NSMCE2: variants seen among roughly 807,000 people sequenced by gnomAD.
NSMCE2 encodes NSE2 SUMO ligase component of SMC5/6 complex, also known as E3 SUMO-protein ligase NSE2.
Under a neutral mutation model 23.8 loss-of-function variants are expected in NSMCE2, and 24 were observed. The ratio of observed to expected loss-of-function variants is 1.01; its 90% CI spans 0.73 to 1.42. The LOEUF (loss-of-function observed/expected upper bound fraction) is 1.42. Among genes scored for constraint, NSMCE2 ranks in the 40% most tolerant of loss-of-function variants. The pLI is 0.00. For synonymous variants in NSMCE2, 92 were observed against 94.1 expected, an observed-to-expected ratio of 0.98 and a Z score of 0.13; for missense variants, 284 against 296.5, an observed-to-expected ratio of 0.96 and a Z score of 0.31.
intron 5 of NSMCE2, among the ~76,000 whole-genome samples, chr8:125,266,133 C>T (rs1321831465): frequency 1.4e-5 from 2 of 139,114 alleles, no homozygotes; most frequent in African/African-American, 5.3e-5. Flanking sequence ...GCTCTTGTTG[C>T]CCAGGCTGGA....
chr8:125,181,556 G>A lies in NSMCE2; in HGVS notation c.265-547G>A, dbSNP rs183449814. 1.5e-3 allele frequency among the ~76,000 whole-genome samples: 235 copies of A among 152,246 alleles called. 1 individual carries two copies. The highest frequency in any genetic ancestry group is 2.1e-3 in the Non-Finnish European group (142 of 68,020). ...TAATTTTATAATATTGGGGATGGAGGAGAACATGGGTTGAGAATTTAGCCT... is the reference window on the plus strand; with the variant it reads ...TAATTTTATAATATTGGGGATGGAGAAGAACATGGGTTGAGAATTTAGCCT... On this transcript the variant is annotated intron_variant, in intron 4 of 7. Coordinates refer to ENST00000287437, the MANE Select transcript of NSMCE2 (RefSeq NM_173685.4).
At chr8:125,266,918 C>CT (rs1410905969) in intron 5 of NSMCE2, among the ~76,000 whole-genome samples, 1 of 151,536 alleles carries the variant, frequency 6.6e-6, no homozygotes, top group Non-Finnish European at 1.5e-5. Context: ...AGGACAAAAA[C>CT]TTTATTTATA....
intron 5 of NSMCE2, among the ~76,000 whole-genome samples, chr8:125,277,454 G>C (rs1011714633): frequency 1.3e-5 from 2 of 151,048 alleles, no homozygotes; most frequent in African/African-American, 4.9e-5. Context: ...GCACAGGATT[G>C]AATATAAGTG....
intron 5 of NSMCE2, among the ~76,000 whole-genome samples, chr8:125,350,252 G>A (rs190596464): frequency 6.6e-6 from 1 of 152,350 alleles, no homozygotes; most frequent in Admixed American, 6.5e-5. Flanking sequence ...GAAAGTCTGT[G>A]TGGCTTCTTT....
intron 7 of NSMCE2, among the ~76,000 whole-genome samples, chr8:125,366,004 C>T (rs559547976): frequency 1.3e-5 from 2 of 152,320 alleles, no homozygotes; most frequent in Admixed American, 1.3e-4. Flanking sequence ...ACGTCCTCAG[C>T]ACTGCACTTG....
At chr8:125,298,860 C>G in intron 5 of NSMCE2, among the ~76,000 whole-genome samples, 1 of 152,000 alleles carries the variant, frequency 6.6e-6, no homozygotes, top group East Asian at 1.9e-4. Context: ...AACTGCAAAA[C>G]TCAGGACAGT....
chr8:125,241,498 T>A lies in NSMCE2; in HGVS notation c.418+59242T>A, dbSNP rs531667784. ...TACAGTTATATCTGGGTCGTTTGTT[T>A]TCTGAAGAAGAAGGAATGCTACGTT... On this transcript the variant is annotated intron_variant, in intron 5 of 7. Transcript: ENST00000287437. Among the ~76,000 whole-genome samples, 57 of 152,392 alleles carry A rather than the reference T, an allele frequency of 3.7e-4. 1 individual carries two copies. Among genetic ancestry groups the A allele is most frequent in the Middle Eastern group, 3.4e-3 (1 of 294 alleles).
At chr8:125,238,917 A>G (rs1342400880) in intron 5 of NSMCE2, among the ~76,000 whole-genome samples, 1 of 152,192 alleles carries the variant, frequency 6.6e-6, no homozygotes, top group Non-Finnish European at 1.5e-5. Flanking sequence ...CTATTCCTGT[A>G]TATTGTTACA....
At chr8:125,304,573 G>A (rs1828681545) in intron 5 of NSMCE2, among the ~76,000 whole-genome samples, 1 of 152,066 alleles carries the variant, frequency 6.6e-6, no homozygotes, top group African/African-American at 2.4e-5. Context: ...AAGTAGAATT[G>A]AGGCTGGGTG....
intron 5 of NSMCE2, among the ~76,000 whole-genome samples, chr8:125,187,932 C>T (rs1563706642): frequency 6.6e-6 from 1 of 152,058 alleles, no homozygotes. Context: ...CAAATTTAGA[C>T]AGTATATTTA....
At chr8:125,180,309 A>G (rs1313661120) in intron 4 of NSMCE2, among the ~76,000 whole-genome samples, 1 of 152,234 alleles carries the variant, frequency 6.6e-6, no homozygotes, top group East Asian at 1.9e-4. Context: ...ACTTGTCATT[A>G]AAGCCTCTCC....
At position 125,151,266 on chromosome 8, in the gene NSMCE2, A is replaced by G; in HGVS notation, c.253A>G (p.Thr85Ala). Residue 85 changes from threonine (T) to alanine (A), a missense_variant, in exon 4 of 8, where the codon ACA becomes GCA. Transcript: ENST00000287437. ...LNHYVKAVQS[T>A]INHVKEERPE... ...CCATTATGTAAAGGCTGTTCAATCT[A>G]CAATAAATCATGTAAGTTTATACCA... The G allele has an allele frequency of 1.9e-6, 3 of 1,566,104 alleles. No individual in the cohort carries two copies. Among genetic ancestry groups the G allele is most frequent in the Non-Finnish European group, 2.6e-6 (3 of 1,137,742 alleles).
chr8:125,153,426 G>A (rs970527703), intron 4 of NSMCE2, among the ~76,000 whole-genome samples: 2 of 152,160 alleles, frequency 1.3e-5, no homozygotes, highest in South Asian at 2.1e-4. Context: ...AATTTCATAA[G>A]GTTTCTAAGA....
chr8:125,311,244 C>A (rs1359497800), intron 5 of NSMCE2, among the ~76,000 whole-genome samples: 2 of 152,090 alleles, frequency 1.3e-5, no homozygotes, highest in Non-Finnish European at 2.9e-5. Flanking sequence ...TGAAGAAAAC[C>A]ACTCTCCTCA....
At chr8:125,323,050 C>T (rs1203060835) in intron 5 of NSMCE2, among the ~76,000 whole-genome samples, 1 of 152,160 alleles carries the variant, frequency 6.6e-6, no homozygotes, top group East Asian at 1.9e-4. Flanking sequence ...TAGAGTGAGA[C>T]TCTGTCTCAG....
chr8:125,218,932 T>C (rs1213403211), intron 5 of NSMCE2, among the ~76,000 whole-genome samples: 2 of 152,198 alleles, frequency 1.3e-5, no homozygotes, highest in Non-Finnish European at 2.9e-5. Context: ...TATTTTAACA[T>C]CTACTATATA....
chr8:125,203,083 A>G (rs576530134), intron 5 of NSMCE2, among the ~76,000 whole-genome samples: 35 of 152,182 alleles, frequency 2.3e-4, no homozygotes, highest in East Asian at 5.8e-4. Flanking sequence ...AGCTATCACT[A>G]TGTACTCTGT....
chr8:125,313,276 T>C lies in NSMCE2; in HGVS notation c.419-43943T>C, dbSNP rs1031928327. ...AAAGAAGGAAAGAAAAAAGAAAGGA[T>C]GAGAAGGCAGGTATAGCTAGAGCAC... On this transcript the variant is annotated intron_variant, in intron 5 of 7. Coordinates refer to ENST00000287437, the MANE Select transcript of NSMCE2 (RefSeq NM_173685.4). Among the ~76,000 whole-genome samples, 58 of 151,458 alleles carry C rather than the reference T, an allele frequency of 3.8e-4. 1 individual carries two copies. Among genetic ancestry groups the C allele is most frequent in the Admixed American group, 3.4e-3 (51 of 15,218 alleles).
chr8:125,352,425 G>A (rs1813076647), intron 5 of NSMCE2, among the ~76,000 whole-genome samples: 2 of 149,264 alleles, frequency 1.3e-5, no homozygotes, highest in Admixed American at 1.3e-4. Context: ...GCAGTGAGCC[G>A]AGATCACGCC....
Sources: gnomAD v4.1 joint callset for allele counts (sites outside exome capture counted in the v4.1 genomes callset) on GRCh38, gnomAD v4.1.1 for gene constraint, MANE v1.5 for transcripts, NCBI Gene and HGNC (gene_info 2026-07-23, HGNC 2026-07-21) for gene names.